VWA8: variants seen among roughly 807,000 people sequenced by gnomAD.
VWA8 encodes von Willebrand factor A domain containing 8.
A neutral mutation model predicts 241.5 loss-of-function variants in VWA8; 221 were observed. That is an observed-to-expected ratio of 0.91 (90% CI 0.82 to 1.02). The LOEUF (loss-of-function observed/expected upper bound fraction) is 1.02. VWA8 is among the 50% of genes least tolerant of loss of function. VWA8 has a pLI of 0.00. For missense variants in VWA8, 2,322 were observed against 2,328.7 expected (o/e 1.00, Z 0.06); for synonymous variants, 852 against 827.1 (o/e 1.03, Z -0.52).
chr13:41,618,085 G>A (rs954038308), intron 37 of VWA8, among the ~76,000 whole-genome samples: 1 of 152,144 alleles, frequency 6.6e-6, no homozygotes, highest in Admixed American at 6.5e-5. Context: ...CTAGTTTACA[G>A]TCCCACCAAC....
rs184268178 is a variant in VWA8, at chr13:41,951,482, A to C, written c.164-1469T>G. ...TAAGCAAAAGCAGGCAAAAGTTTTC[A>C]GTAAGTTCTATACAGTTCTATTTTT... On this transcript the variant is annotated intron_variant, in intron 1 of 44. Transcript: ENST00000379310. Among the ~76,000 whole-genome samples the C allele has an allele frequency of 7.9e-5, 12 of 152,346 alleles. No individual in the cohort carries two copies. The East Asian group carries it at 2.3e-3, about 29-fold the overall frequency.
chr13:41,750,382 G>A (rs577547577), intron 21 of VWA8, among the ~76,000 whole-genome samples: 6 of 151,564 alleles, frequency 4.0e-5, no homozygotes, highest in Non-Finnish European at 7.4e-5. Flanking sequence ...GCAGTGAGCC[G>A]AGATCATGCC....
intron 21 of VWA8, among the ~76,000 whole-genome samples, chr13:41,744,316 T>C (rs917782944): frequency 3.3e-5 from 5 of 152,234 alleles, no homozygotes; most frequent in African/African-American, 1.2e-4. Flanking sequence ...ACCTAAGATA[T>C]CTGTTGACTG....
At chr13:41,583,087 T>A (rs1192819952) in intron 42 of VWA8, among the ~76,000 whole-genome samples, 1 of 152,186 alleles carries the variant, frequency 6.6e-6, no homozygotes, top group African/African-American at 2.4e-5. Context: ...AAGGGACAAC[T>A]GTAATTATAA....
chr13:41,809,757 T>C (rs77226810), intron 17 of VWA8, among the ~76,000 whole-genome samples: 1,678 of 152,216 alleles, frequency 0.011, 33 homozygotes, highest in African/African-American at 0.039. Flanking sequence ...ACAAATAGGA[T>C]CACATTGAGT....
chr13:41,672,301 GTA>G (rs918096526), intron 36 of VWA8, among the ~76,000 whole-genome samples: 2 of 151,986 alleles, frequency 1.3e-5, no homozygotes, highest in Non-Finnish European at 2.9e-5. Flanking sequence ...GTATATGTGT[GTA>G]TATATATATG....
chr13:41,864,136 G>T (rs1218952814), intron 12 of VWA8, among the ~76,000 whole-genome samples: 1 of 140,700 alleles, frequency 7.1e-6, no homozygotes, highest in Non-Finnish European at 1.5e-5. Flanking sequence ...TTAGGATGAT[G>T]ATTATAAAAA....
chr13:41,950,154 C>T, intron 1 of VWA8, 141 bp from the exon 2 acceptor site: 1 of 465,304 alleles, frequency 2.1e-6, no homozygotes, highest in Non-Finnish European at 3.9e-6. Flanking sequence ...AAGCACTATG[C>T]TCTAAAACTT....
At position 41,912,286 on chromosome 13, in the gene VWA8, T is replaced by C. The variant is rs527479418; in HGVS notation, c.242-118A>G. On this transcript the variant is annotated intron_variant, in intron 2 of 44. Coordinates refer to ENST00000379310, the MANE Select transcript of VWA8 (RefSeq NM_015058.2). ...AACGTATATAAAATATGTGTTTATCTGTGTATTTATAAACATATGTATATA... is the reference window on the plus strand; with the variant it reads ...AACGTATATAAAATATGTGTTTATCCGTGTATTTATAAACATATGTATATA... 60 of 758,500 alleles carry C rather than the reference T, an allele frequency of 7.9e-5. No individual in the cohort carries two copies. In the African/African-American group the frequency reaches 9.3e-4, roughly 12 times the overall value. The allele number at this position is 758,500 out of a possible 1,614,324, so 47.0% of individuals were successfully genotyped here. A position where few individuals can be genotyped will look rare whatever the true frequency, so the allele number is the denominator to read the frequency against.
At position 41,591,622 on chromosome 13, in the gene VWA8, A is replaced by G. The variant is rs540393563; in HGVS notation, c.4987-857T>C. Among the ~76,000 whole-genome samples, 4 of 151,998 alleles carry G rather than the reference A, an allele frequency of 2.6e-5. No homozygotes were observed. The South Asian group carries it at 8.3e-4, about 32-fold the overall frequency. ...ATGAACTTAAACAAATTTACAAGAA[A>G]AAAACAAACAACCCCATCAAAAAGT... On this transcript the variant is annotated intron_variant, in intron 40 of 44. Transcript: ENST00000379310.
intron 20 of VWA8, among the ~76,000 whole-genome samples, chr13:41,761,788 T>C (rs2045742210): frequency 6.6e-6 from 1 of 152,082 alleles, no homozygotes. Flanking sequence ...TGCCCTCATT[T>C]CCTTACCACT....
intron 4 of VWA8, among the ~76,000 whole-genome samples, chr13:41,898,356 T>C (rs898142359): frequency 2.6e-5 from 4 of 151,050 alleles, no homozygotes; most frequent in African/African-American, 7.3e-5. Context: ...AGACACAGGG[T>C]GCTCCAAGGC....
At chr13:41,943,283 T>C (rs1343462847) in intron 2 of VWA8, among the ~76,000 whole-genome samples, 1 of 152,146 alleles carries the variant, frequency 6.6e-6, no homozygotes, top group African/African-American at 2.4e-5. Flanking sequence ...TAGAGAATTA[T>C]CACTATAGAT....
At position 41,568,090 on chromosome 13, in the gene VWA8, C is replaced by T. The variant is rs1373379887; in HGVS notation, c.*107G>A. ...AAGACCCAGGAATGCCGGAATCATC[C>T]AGTCACTGCATGGGTTCACTTCATC... On this transcript the variant is annotated 3_prime_UTR_variant, in exon 45 of 45. Transcript: ENST00000379310. The T allele has an allele frequency of 1.1e-6, 1 of 894,990 alleles. No homozygotes were observed. The allele number at this position is 894,990 out of a possible 1,614,324, so 55.4% of individuals were successfully genotyped here. A position where few individuals can be genotyped will look rare whatever the true frequency, so the allele number is the denominator to read the frequency against.
intron 3 of VWA8, 111 bp from the exon 4 acceptor site, chr13:41,907,807 C>A: frequency 1.2e-6 from 1 of 860,586 alleles, no homozygotes; most frequent in South Asian, 1.6e-5. Flanking sequence ...ATTGTTAAAC[C>A]TAATTTTGGG....
chr13:41,959,349 A>G (rs550374246), intron 1 of VWA8, among the ~76,000 whole-genome samples: 181 of 152,220 alleles, frequency 1.2e-3, no homozygotes, highest in African/African-American at 4.2e-3. Flanking sequence ...TTTAACTCCA[A>G]AACCCAACCT....
In VWA8 at chr13:41,958,268, C is replaced by T. The variant is rs71427499; in HGVS notation, c.163+2585G>A. Among the ~76,000 whole-genome samples, 502 of 152,306 alleles carry T rather than the reference C, an allele frequency of 3.3e-3. 1 individual carries two copies. The highest frequency in any genetic ancestry group is 0.017 in the South Asian group (82 of 4,830). Reference sequence around the variant, plus strand: ...AACGACAATTCCAGCCTCTCCTGCTCCTTCTCTGTATGAACTTTCACAAAA... The same window carrying T: ...AACGACAATTCCAGCCTCTCCTGCTTCTTCTCTGTATGAACTTTCACAAAA... On this transcript the variant is annotated intron_variant, in intron 1 of 44. Transcript: ENST00000379310.
chr13:41,708,573 T>C (rs558746606), intron 26 of VWA8, among the ~76,000 whole-genome samples: 1 of 152,324 alleles, frequency 6.6e-6, no homozygotes, highest in Non-Finnish European at 1.5e-5. Flanking sequence ...CTGCAAATGA[T>C]GTATACCTGA....
At chr13:41,698,359 C>A (rs1169795974) in intron 29 of VWA8, among the ~76,000 whole-genome samples, 1 of 151,828 alleles carries the variant, frequency 6.6e-6, no homozygotes, top group African/African-American at 2.4e-5. Context: ...TATAGATTAA[C>A]TTAGACCTTT....
Sources: gnomAD v4.1 joint callset for allele counts (sites outside exome capture counted in the v4.1 genomes callset) on GRCh38, gnomAD v4.1.1 for gene constraint, MANE v1.5 for transcripts, NCBI Gene and HGNC (gene_info 2026-07-23, HGNC 2026-07-21) for gene names.